The following LYPD6 variants were observed in gnomAD, a reference collection of about 807,000 sequenced individuals.
LYPD6 encodes the protein LY6/PLAUR domain containing 6.
Under a neutral mutation model 22.7 loss-of-function variants are expected in LYPD6, and 15 were observed. That is an observed-to-expected ratio of 0.66 (90% CI 0.44 to 1.02). The LOEUF (loss-of-function observed/expected upper bound fraction) is 1.02, where lower values mean the gene tolerates loss of function less well. LYPD6 is among the 50% of genes least tolerant of loss of function. The pLI is 0.00. For missense variants in LYPD6, 189 were observed against 208.4 expected (o/e 0.91, Z 0.57); for synonymous variants, 72 against 77.5 (o/e 0.93, Z 0.37).
At chr2:149,484,515 TCAGATACAAACA>T in the LYPD6 span, among the ~76,000 whole-genome samples, 8 of 150,874 alleles carry the variant, frequency 5.3e-5, no homozygotes, top group East Asian at 1.4e-3. Context: ...CAGAGAAAAT[TCAGATACAAACA>T]CAGACCTTCC....
intron 3 of LYPD6, among the ~76,000 whole-genome samples, chr2:149,454,146 TC>T: frequency 6.6e-6 from 1 of 152,302 alleles, no homozygotes; most frequent in African/African-American, 2.4e-5. Flanking sequence ...GTCTTAGACA[TC>T]CTCCTTTTTA....
chr2:149,418,500 G>C (rs1683012337), intron 1 of LYPD6, among the ~76,000 whole-genome samples: 1 of 152,202 alleles, frequency 6.6e-6, no homozygotes, highest in Non-Finnish European at 1.5e-5. Flanking sequence ...ATTTTGATCT[G>C]TATTGATAAG....
At chr2:149,453,429 T>C (rs1680879982) in intron 3 of LYPD6, among the ~76,000 whole-genome samples, 1 of 152,250 alleles carries the variant, frequency 6.6e-6, no homozygotes, top group Admixed American at 6.5e-5. Flanking sequence ...AAAGACATTA[T>C]GTTCCTCCTT....
chr2:149,330,041 G>C (rs772733863), upstream of LYPD6: 7 of 152,152 alleles, frequency 4.6e-5, no homozygotes, highest in Non-Finnish European at 8.8e-5. Flanking sequence ...ACTTGCTCTT[G>C]AGCTCTGCGG....
At chr2:149,408,507 A>G (rs1682778792) in intron 1 of LYPD6, among the ~76,000 whole-genome samples, 1 of 152,120 alleles carries the variant, frequency 6.6e-6, no homozygotes, top group South Asian at 2.1e-4. Context: ...TATATTTTCC[A>G]AACTTTTAGA....
At chr2:149,422,727 T>C (rs914401086) in intron 1 of LYPD6, among the ~76,000 whole-genome samples, 18 of 152,076 alleles carry the variant, frequency 1.2e-4, no homozygotes, top group Middle Eastern at 3.2e-3. Flanking sequence ...CACTGACATT[T>C]TATACCCTTT....
intron 3 of LYPD6, among the ~76,000 whole-genome samples, chr2:149,452,820 A>C (rs1558813104): frequency 6.6e-6 from 1 of 152,184 alleles, no homozygotes; most frequent in East Asian, 1.9e-4. Context: ...TTGGCCAAGT[A>C]AGTGTCAGGA....
intron 3 of LYPD6, among the ~76,000 whole-genome samples, chr2:149,449,393 C>T (rs1683760413): frequency 6.6e-6 from 1 of 152,230 alleles, no homozygotes; most frequent in Admixed American, 6.5e-5. Context: ...ATACCTTCGC[C>T]TGTACCCCCG....
At position 149,440,912 on chromosome 2, in the gene LYPD6, A is replaced by G. The variant is rs571864215; in HGVS notation, c.118+3086A>G. 3.3e-5 allele frequency among the ~76,000 whole-genome samples: 5 copies of G among 150,964 alleles called. No homozygotes were observed. The East Asian group carries it at 9.9e-4, about 30-fold the overall frequency. ...TAGTAGAGACGGGTTTCACCGTGTT[A>G]GCCAGGATGGTCTCCATCTCCTGAC... On this transcript the variant is annotated intron_variant, in intron 2 of 4. Transcript: ENST00000334166.
chr2:149,477,640 A>G (rs1681465257), downstream of LYPD6, among the ~76,000 whole-genome samples: 1 of 150,562 alleles, frequency 6.6e-6, no homozygotes, highest in African/African-American at 2.4e-5. Context: ...AAAAAAAAAA[A>G]AAAAAAAAGA....
chr2:149,456,503 A>C (rs1680961496), intron 3 of LYPD6, among the ~76,000 whole-genome samples: 1 of 152,146 alleles, frequency 6.6e-6, no homozygotes, highest in Non-Finnish European at 1.5e-5. Flanking sequence ...CTTATGTTGA[A>C]GTCTTAACCT....
chr2:149,449,161 A>T lies in LYPD6; in HGVS notation c.217+14A>T. On this transcript the variant is annotated intron_variant, in intron 3 of 4. Transcript: ENST00000334166. The stretch of plus-strand genomic sequence containing the variant: ...ACTGCCCTCGAGGTAAACTCTCAGT[A>T]GACTGATTGGGGTCCCCTGGGCTGT... 1 of 1,596,138 alleles carries T rather than the reference A, an allele frequency of 6.3e-7. No homozygotes were observed. The highest frequency in any genetic ancestry group is 8.6e-7 in the Non-Finnish European group (1 of 1,166,012).
intron 1 of LYPD6, among the ~76,000 whole-genome samples, chr2:149,363,743 C>A (rs765046656): frequency 2.0e-5 from 3 of 152,150 alleles, no homozygotes; most frequent in Non-Finnish European, 2.9e-5. Context: ...TGAGAAACAG[C>A]AGGCACTACA....
intron 1 of LYPD6, among the ~76,000 whole-genome samples, chr2:149,333,492 A>G (rs901590000): frequency 6.6e-6 from 1 of 152,210 alleles, no homozygotes; most frequent in African/African-American, 2.4e-5. Flanking sequence ...CACATACACT[A>G]ACTGTGGGAC....
chr2:149,440,603 C>T (rs1162110765), intron 2 of LYPD6, among the ~76,000 whole-genome samples: 1 of 150,608 alleles, frequency 6.6e-6, no homozygotes, highest in Non-Finnish European at 1.5e-5. Flanking sequence ...CCCTCCATAA[C>T]TTATGATGGG....
intron 1 of LYPD6, among the ~76,000 whole-genome samples, chr2:149,406,616 C>T (rs1304348230): frequency 6.6e-6 from 1 of 152,152 alleles, no homozygotes; most frequent in African/African-American, 2.4e-5. Flanking sequence ...TATTTTGAGC[C>T]TATGTGTGTC....
rs1442779092 is a variant in LYPD6 at position 149,471,422 on chromosome 2, G to C, written c.*572G>C. 6.6e-6 allele frequency: 1 copy of C among 152,166 alleles called. No individual in the cohort carries two copies. The highest frequency in any genetic ancestry group is 2.4e-5 in the African/African-American group (1 of 41,432). The allele number at this position is 152,166 out of a possible 1,614,324, so 9.4% of individuals were successfully genotyped here. ...TAATTTTCCCAACATTCTTCTCCCA[G>C]TGCTGGGAATCACATTTCCTCTGTT... On this transcript the variant is annotated 3_prime_UTR_variant, in exon 5 of 5. Transcript: ENST00000334166.
intron 1 of LYPD6, among the ~76,000 whole-genome samples, chr2:149,343,176 TG>T (rs778362878): frequency 8.0e-4 from 122 of 152,172 alleles, no homozygotes; most frequent in Non-Finnish European, 1.6e-3. Flanking sequence ...CTATAGCTTC[TG>T]GGCAGTTCTG....
At chr2:149,415,996 A>G (rs1573789381) in intron 1 of LYPD6, among the ~76,000 whole-genome samples, 1 of 152,234 alleles carries the variant, frequency 6.6e-6, no homozygotes, top group East Asian at 1.9e-4. Context: ...CTGTAATTCT[A>G]AGAAAGTTTG....
Sources: allele counts gnomAD v4.1 joint callset (sites outside exome capture counted in the v4.1 genomes callset), GRCh38; gene constraint gnomAD v4.1.1; transcripts MANE v1.5; gene names NCBI Gene and HGNC (gene_info 2026-07-23, HGNC 2026-07-21).